Variants in ROBO2 observed in about 807,000 individuals in gnomAD.
ROBO2 encodes roundabout guidance receptor 2, also known as roundabout homolog 2.
A neutral mutation model predicts 160.8 loss-of-function variants in ROBO2; 53 were observed. The observed-to-expected ratio is 0.33, with a 90% CI of 0.26 to 0.41. The LOEUF (loss-of-function observed/expected upper bound fraction) is 0.41. ROBO2 is among the 10% of genes least tolerant of loss of function. ROBO2 has a pLI of 1.00. For synonymous variants in ROBO2, 664 were observed against 611.7 expected (o/e 1.09, Z -1.26); for missense variants, 1,577 against 1,722.4 (o/e 0.92, Z 1.49).
intron 2 of ROBO2, among the ~76,000 whole-genome samples, chr3:76,818,900 A>G (rs2065898883): frequency 1.3e-5 from 2 of 151,984 alleles, no homozygotes; most frequent in Admixed American, 1.3e-4. Flanking sequence ...TGATTCCTCC[A>G]GATTTGTTCT....
intron 2 of ROBO2, among the ~76,000 whole-genome samples, chr3:76,596,696 G>T (rs1839054): frequency 0.97 from 147,672 of 152,114 alleles, 71,842 homozygotes; most frequent in East Asian, 1. Flanking sequence ...AATTGCAGAG[G>T]TCTGATGTCT....
intron 2 of ROBO2, among the ~76,000 whole-genome samples, chr3:76,176,229 T>C (rs2107055262): frequency 6.6e-6 from 1 of 152,192 alleles, no homozygotes; most frequent in South Asian, 2.1e-4. Context: ...TGTCACCACC[T>C]CCACCGCCAC....
At chr3:76,562,627 A>G (rs1229631406) in intron 2 of ROBO2, among the ~76,000 whole-genome samples, 3 of 152,164 alleles carry the variant, frequency 2.0e-5, no homozygotes, top group Non-Finnish European at 4.4e-5. Flanking sequence ...CCATCCTCCA[A>G]TGATTCTAAT....
At chr3:76,141,284 T>C (rs1445860555) in intron 2 of ROBO2, among the ~76,000 whole-genome samples, 1 of 146,816 alleles carries the variant, frequency 6.8e-6, no homozygotes. Flanking sequence ...ATAGCCAATT[T>C]GAATCTTAAA....
chr3:76,424,022 G>T (rs1056377743), intron 2 of ROBO2, among the ~76,000 whole-genome samples: 6 of 152,116 alleles, frequency 3.9e-5, no homozygotes, highest in African/African-American at 1.4e-4. Context: ...GATGAATCAA[G>T]TTCACATGGT....
At chr3:76,572,240 C>A (rs1578235833) in intron 2 of ROBO2, among the ~76,000 whole-genome samples, 1 of 152,070 alleles carries the variant, frequency 6.6e-6, no homozygotes, top group Admixed American at 6.6e-5. Context: ...AATCTAAGAT[C>A]CTGAGCAGCT....
intron 2 of ROBO2, among the ~76,000 whole-genome samples, chr3:77,224,999 T>C: frequency 6.6e-6 from 1 of 151,984 alleles, no homozygotes; most frequent in Non-Finnish European, 1.5e-5. Flanking sequence ...TTTTTTACTT[T>C]TATTGTGAAA....
chr3:76,416,428 G>C (rs2075761166), intron 2 of ROBO2, among the ~76,000 whole-genome samples: 1 of 151,940 alleles, frequency 6.6e-6, no homozygotes, highest in Non-Finnish European at 1.5e-5. Context: ...GTGTGTGTGG[G>C]GGGGAAATAA....
intron 2 of ROBO2, among the ~76,000 whole-genome samples, chr3:76,372,301 C>G (rs1365576452): frequency 6.6e-6 from 1 of 151,834 alleles, no homozygotes; most frequent in African/African-American, 2.4e-5. Context: ...AACTTCCTGA[C>G]TTTCAGACTT....
chr3:77,282,226 A>G (rs561945046), intron 2 of ROBO2, among the ~76,000 whole-genome samples: 16 of 152,188 alleles, frequency 1.1e-4, no homozygotes, highest in Admixed American at 2.6e-4. Context: ...ATAATCAACT[A>G]TTGGGATTCA....
intron 2 of ROBO2, among the ~76,000 whole-genome samples, chr3:75,971,861 T>G (rs2065005164): frequency 6.6e-6 from 1 of 151,546 alleles, no homozygotes; most frequent in African/African-American, 2.4e-5. Flanking sequence ...CCTCTTCCAT[T>G]AATTAGAAAA....
At chr3:76,777,026 T>C (rs2062314947) in intron 2 of ROBO2, among the ~76,000 whole-genome samples, 2 of 151,074 alleles carry the variant, frequency 1.3e-5, no homozygotes, top group Admixed American at 1.3e-4. Flanking sequence ...CTAGCATTCC[T>C]TTGGTTCTGC....
chr3:76,768,845 T>G (rs267129), intron 2 of ROBO2, among the ~76,000 whole-genome samples: 73,815 of 150,994 alleles, frequency 0.49, 18,890 homozygotes, highest in African/African-American at 0.65. Context: ...ACATAATTAT[T>G]TTTTCATTGG....
At chr3:77,486,220 T>C (rs898209864) in intron 4 of ROBO2, among the ~76,000 whole-genome samples, 1 of 108,460 alleles carries the variant, frequency 9.2e-6, no homozygotes, top group African/African-American at 3.0e-5. Flanking sequence ...CTATTGTGAA[T>C]AGTGCTACAA....
At chr3:76,701,732 G>T (rs2093048821) in intron 2 of ROBO2, among the ~76,000 whole-genome samples, 1 of 151,462 alleles carries the variant, frequency 6.6e-6, no homozygotes, top group African/African-American at 2.4e-5. Context: ...CTTTTATAAG[G>T]TATATTATTA....
intron 2 of ROBO2, among the ~76,000 whole-genome samples, chr3:77,417,452 G>A (rs2077347731): frequency 6.8e-6 from 1 of 147,850 alleles, no homozygotes; most frequent in Non-Finnish European, 1.5e-5. Flanking sequence ...TATATGCCCA[G>A]TGGAAAATGA....
chr3:76,305,172 T>A (rs1457348048), intron 2 of ROBO2, among the ~76,000 whole-genome samples: 1 of 151,812 alleles, frequency 6.6e-6, no homozygotes, highest in African/African-American at 2.4e-5. Context: ...GAGGATCACC[T>A]GAATCCAGGA....
intron 2 of ROBO2, among the ~76,000 whole-genome samples, chr3:76,622,851 G>T (rs2121788): frequency 6.6e-6 from 1 of 151,980 alleles, no homozygotes; most frequent in South Asian, 2.1e-4. Flanking sequence ...ATATGTTGCA[G>T]GCACCTGTCA....
chr3:76,091,475 T>A (rs1244057085), intron 2 of ROBO2, among the ~76,000 whole-genome samples: 2 of 152,168 alleles, frequency 1.3e-5, no homozygotes, highest in African/African-American at 2.4e-5. Context: ...TCATTGCTGC[T>A]GGGGGCTACA....
Sources: gnomAD v4.1 joint callset for allele counts (sites outside exome capture counted in the v4.1 genomes callset) on GRCh38, gnomAD v4.1.1 for gene constraint, MANE v1.5 for transcripts, NCBI Gene and HGNC (gene_info 2026-07-23, HGNC 2026-07-21) for gene names.